PCLO: variants seen among roughly 807,000 people sequenced by gnomAD.
PCLO encodes the protein piccolo presynaptic cytomatrix protein, also known as protein piccolo.
Under a neutral mutation model 427.5 loss-of-function variants are expected in PCLO, and 82 were observed. The ratio of observed to expected loss-of-function variants is 0.19; its 90% CI spans 0.16 to 0.23. The LOEUF (loss-of-function observed/expected upper bound fraction) is 0.23. PCLO is among the 10% of genes least tolerant of loss of function. The pLI, the probability that PCLO is intolerant of heterozygous loss-of-function variation, is 1.00. For missense variants in PCLO, 6,239 were observed against 6,115.9 expected (o/e 1.02, Z -0.67); for synonymous variants, 2,357 against 2,155.4 (o/e 1.09, Z -2.59).
Position 82,954,412 on chromosome 7 carries a change from T to C in PCLO, c.6541A>G (p.Thr2181Ala). The change falls in exon 5 of 25, where the codon ACA (threonine) becomes GCA (alanine). Residue 2181 changes from threonine (T) to alanine (A), a missense_variant. Thr to Ala is a moderately conservative substitution (Grantham distance 58). Coordinates refer to ENST00000333891, the MANE Select transcript of PCLO (RefSeq NM_033026.6). ...GAAACAGATGATGTGAGAGAAGGTGTGTCAGAGGGTGGGACAGATGTAGCA... is the reference window on the plus strand; with the variant it reads ...GAAACAGATGATGTGAGAGAAGGTGCGTCAGAGGGTGGGACAGATGTAGCA... The part of the protein sequence containing the change: ...ESATSVPPSD[T>A]PSLTSSVSSV... 1 of 1,613,940 alleles carries C rather than the reference T, an allele frequency of 6.2e-7. No homozygotes were observed. Among genetic ancestry groups the C allele is most frequent in the Non-Finnish European group, 8.5e-7 (1 of 1,179,858 alleles).
intron 3 of PCLO, among the ~76,000 whole-genome samples, chr7:83,118,313 C>T (rs952717071): frequency 1.3e-5 from 2 of 152,072 alleles, no homozygotes; most frequent in African/African-American, 4.8e-5. Flanking sequence ...AACCCTCCGG[C>T]GATCATCTCC....
intron 3 of PCLO, among the ~76,000 whole-genome samples, chr7:83,054,725 A>T (rs978384905): frequency 6.6e-6 from 1 of 151,972 alleles, no homozygotes; most frequent in African/African-American, 2.4e-5. Context: ...AAATGAGTAC[A>T]ATTTTAATAC....
intron 6 of PCLO, among the ~76,000 whole-genome samples, chr7:82,930,336 T>G (rs1794812896): frequency 6.6e-6 from 1 of 152,150 alleles, no homozygotes; most frequent in African/African-American, 2.4e-5. Flanking sequence ...TACAGAGTGA[T>G]ATAACAGACC....
chr7:82,869,736 A>T (rs1045001256), intron 10 of PCLO, among the ~76,000 whole-genome samples: 1 of 152,064 alleles, frequency 6.6e-6, no homozygotes, highest in Non-Finnish European at 1.5e-5. Flanking sequence ...GTAATAATAC[A>T]CTATTCAAAA....
chr7:82,763,487 T>G (rs1649690741), intron 22 of PCLO, among the ~76,000 whole-genome samples: 1 of 152,052 alleles, frequency 6.6e-6, no homozygotes. Context: ...CAAAACACTG[T>G]GAGTAAAGTT....
chr7:82,879,564 T>A (rs1371321612), intron 9 of PCLO, 102 bp from the exon 10 acceptor site: 1 of 744,412 alleles, frequency 1.3e-6, no homozygotes, highest in African/African-American at 1.8e-5. Flanking sequence ...ATCCAGAAGC[T>A]AAATATAACA....
chr7:83,121,702 C>CA (rs200484746), intron 3 of PCLO, among the ~76,000 whole-genome samples: 4,258 of 150,544 alleles, frequency 0.028, 92 homozygotes, highest in Non-Finnish European at 0.044. Context: ...CAAATGAAAA[C>CA]AAAAAAAAGC....
At chr7:83,030,747 G>A (rs563027237) in intron 3 of PCLO, among the ~76,000 whole-genome samples, 27 of 152,278 alleles carry the variant, frequency 1.8e-4, no homozygotes, top group African/African-American at 5.8e-4. Flanking sequence ...TGGCAGTGTT[G>A]CAAAATGGGA....
intron 22 of PCLO, among the ~76,000 whole-genome samples, chr7:82,786,386 ATATT>A (rs1044233894): frequency 3.9e-4 from 60 of 152,340 alleles, no homozygotes; most frequent in African/African-American, 1.2e-3. Context: ...ATAAATTTGC[ATATT>A]TAGAGTTTTA....
chr7:82,812,794 T>G (rs1180064534), intron 20 of PCLO, among the ~76,000 whole-genome samples: 1 of 151,580 alleles, frequency 6.6e-6, no homozygotes, highest in Admixed American at 6.6e-5. Context: ...TGGGCGATTT[T>G]TAATTTTTCA....
At chr7:82,820,876 C>A (rs533036677) in intron 20 of PCLO, 1 of 1,230,832 alleles carries the variant, frequency 8.1e-7, no homozygotes, top group South Asian at 4.1e-5. Flanking sequence ...TATTTCCCAA[C>A]AAAAGTCAAA....
Position 82,846,630 on chromosome 7 carries a change from G to A in PCLO, c.13768C>T (p.Leu4590Phe), listed in dbSNP as rs1792510010. 2 of 1,595,766 alleles carry A rather than the reference G, an allele frequency of 1.3e-6. No individual in the cohort carries two copies. The highest frequency in any genetic ancestry group is 1.7e-6 in the Non-Finnish European group (2 of 1,169,856). The stretch of plus-strand genomic sequence containing the variant: ...TTTTCAGAATCTGATAGCATATTGA[G>A]GTCCCTAAAAATTAAAACAAAACAT... ...GEAEICVRLD[L>F]NMLSDSENSQ... Residue 4590 changes from leucine (L) to phenylalanine (F), a missense_variant, in exon 12 of 25, where the codon CTC (leucine) becomes TTC (phenylalanine). Transcript: ENST00000333891.
chr7:82,794,706 T>A (rs1401249279), intron 22 of PCLO, among the ~76,000 whole-genome samples: 2 of 151,708 alleles, frequency 1.3e-5, no homozygotes, highest in Non-Finnish European at 2.9e-5. Flanking sequence ...ACTCCTGAGT[T>A]GAAGCAATCT....
chr7:83,039,276 G>A (rs1433472448), intron 3 of PCLO, among the ~76,000 whole-genome samples: 1 of 151,902 alleles, frequency 6.6e-6, no homozygotes, highest in Non-Finnish European at 1.5e-5. Context: ...CCAGATCTAT[G>A]AATCCATTGC....
chr7:82,764,822 T>TGAG (rs3064834), intron 22 of PCLO, among the ~76,000 whole-genome samples: 72,297 of 151,276 alleles, frequency 0.48, 18,221 homozygotes, highest in East Asian at 0.72. Flanking sequence ...ATAGAGGATT[T>TGAG]GAGGAGTAAA....
intron 3 of PCLO, among the ~76,000 whole-genome samples, chr7:83,068,587 T>C (rs6959286): frequency 0.79 from 120,560 of 152,074 alleles, 48,720 homozygotes; most frequent in African/African-American, 0.95. Flanking sequence ...TAAGATATCA[T>C]TTCATACCTG....
chr7:83,157,371 T>C (rs1161893682), intron 1 of PCLO, among the ~76,000 whole-genome samples: 1 of 152,158 alleles, frequency 6.6e-6, no homozygotes, highest in Non-Finnish European at 1.5e-5. Context: ...TATCTTGGTA[T>C]CCATATATCT....
At chr7:83,027,140 C>A (rs958616902) in intron 3 of PCLO, among the ~76,000 whole-genome samples, 12 of 127,676 alleles carry the variant, frequency 9.4e-5, no homozygotes, top group African/African-American at 3.4e-4. Context: ...ACACAAAAAA[C>A]CCTTCAAAAA....
At chr7:82,897,370 A>C (rs1467170772) in intron 9 of PCLO, among the ~76,000 whole-genome samples, 1 of 151,612 alleles carries the variant, frequency 6.6e-6, no homozygotes, top group Non-Finnish European at 1.5e-5. Flanking sequence ...TAAAAGTTAA[A>C]GGATATATTT....
Sources: gnomAD v4.1 joint callset for allele counts (sites outside exome capture counted in the v4.1 genomes callset) on GRCh38, gnomAD v4.1.1 for gene constraint, MANE v1.5 for transcripts, NCBI Gene and HGNC (gene_info 2026-07-23, HGNC 2026-07-21) for gene names.